FMNL2: variants seen among roughly 807,000 people sequenced by gnomAD.
FMNL2 encodes the protein formin like 2.
FMNL2 carries 51 observed loss-of-function variants against 130.2 expected under a neutral mutation model. That is an observed-to-expected ratio of 0.39 (90% CI 0.31 to 0.49). The LOEUF (loss-of-function observed/expected upper bound fraction) is 0.49. Ranked by LOEUF, FMNL2 falls within the 20% of genes least tolerant of loss-of-function variation. The probability of loss-of-function intolerance (pLI) is 0.85; values close to 1 mark genes in which losing one functional copy is unlikely to be tolerated. For synonymous variants in FMNL2, 465 were observed against 467.1 expected, an observed-to-expected ratio of 1.00 and a Z score of 0.06; for missense variants, 977 against 1,316.2, an observed-to-expected ratio of 0.74 and a Z score of 3.99.
At chr2:152,591,686 G>GT (rs1010100107) in intron 9 of FMNL2, among the ~76,000 whole-genome samples, 58 of 152,266 alleles carry the variant, frequency 3.8e-4, no homozygotes, top group African/African-American at 1.3e-3. Flanking sequence ...CACGCTTGTG[G>GT]TCCCCGGTAC....
chr2:152,353,166 A>G (rs938057558), intron 1 of FMNL2, among the ~76,000 whole-genome samples: 1 of 152,190 alleles, frequency 6.6e-6, no homozygotes, highest in Non-Finnish European at 1.5e-5. Flanking sequence ...TATCATACAT[A>G]TATGTGTTAT....
At chr2:152,559,587 G>A (rs561356243) in intron 5 of FMNL2, among the ~76,000 whole-genome samples, 1 of 152,258 alleles carries the variant, frequency 6.6e-6, no homozygotes, top group African/African-American at 2.4e-5. Flanking sequence ...TTTCAGGTGT[G>A]AGCCACCGCA....
intron 1 of FMNL2, among the ~76,000 whole-genome samples, chr2:152,377,953 A>G (rs1261583950): frequency 6.6e-6 from 1 of 152,008 alleles, no homozygotes; most frequent in Admixed American, 6.6e-5. Context: ...CTCTACTAAG[A>G]ACACAAAAAT....
At position 152,558,730 on chromosome 2, in the gene FMNL2, T is replaced by TC. The variant is rs1553476566; in HGVS notation, c.360-6dup. 0.15 allele frequency: 223,576 copies of TC among 1,515,616 alleles called. 6,485 individuals carry two copies. The highest frequency in any genetic ancestry group is 0.34 in the African/African-American group (24,327 of 71,488). The allele number at this position is 1,515,616 out of a possible 1,614,324, so 93.9% of individuals were successfully genotyped here. ...TTCTCCAATGATTTTTTTTTTTTTTTCCCCAACAGATGGGTCAGAGAATTT... is the reference window on the plus strand; with the variant it reads ...TTCTCCAATGATTTTTTTTTTTTTTTCCCCCAACAGATGGGTCAGAGAATTT... On this transcript the variant is annotated splice_polypyrimidine_tract_variant and intron_variant, in intron 4 of 25. Coordinates refer to ENST00000288670, the MANE Select transcript of FMNL2 (RefSeq NM_052905.4).
intron 22 of FMNL2, among the ~76,000 whole-genome samples, 177 bp downstream of exon 22, chr2:152,636,767 G>T (rs561221791): frequency 1.3e-5 from 2 of 152,062 alleles, no homozygotes; most frequent in Admixed American, 1.3e-4. Flanking sequence ...TCTTGGAAGG[G>T]CCCCGTCCTC....
intron 1 of FMNL2, among the ~76,000 whole-genome samples, chr2:152,432,208 G>A (rs1687531309): frequency 1.3e-5 from 2 of 151,482 alleles, no homozygotes; most frequent in South Asian, 4.2e-4. Flanking sequence ...GTGGTTGGTT[G>A]CATTTCTTTT....
intron 1 of FMNL2, among the ~76,000 whole-genome samples, chr2:152,512,313 C>T (rs1258419121): frequency 6.6e-6 from 1 of 152,160 alleles, no homozygotes; most frequent in Non-Finnish European, 1.5e-5. Flanking sequence ...CCATTATTCT[C>T]TTTGTGTTTA....
intron 1 of FMNL2, among the ~76,000 whole-genome samples, chr2:152,457,248 G>A (rs1689008692): frequency 6.6e-6 from 1 of 152,112 alleles, no homozygotes; most frequent in South Asian, 2.1e-4. Context: ...GTCTACTATG[G>A]TAGGATCTAG....
chr2:152,623,549 T>C (rs1002075256), intron 15 of FMNL2, among the ~76,000 whole-genome samples: 1 of 152,122 alleles, frequency 6.6e-6, no homozygotes, highest in African/African-American at 2.4e-5. Context: ...TCTGGAGGAA[T>C]GAGAGGCACT....
intron 1 of FMNL2, among the ~76,000 whole-genome samples, chr2:152,471,858 A>G (rs1689875839): frequency 6.6e-6 from 1 of 152,190 alleles, no homozygotes; most frequent in African/African-American, 2.4e-5. Flanking sequence ...GTGTAGAAGC[A>G]TAATGAAAGC....
intron 9 of FMNL2, among the ~76,000 whole-genome samples, chr2:152,600,822 T>G (rs1359360474): frequency 6.6e-6 from 1 of 152,118 alleles, no homozygotes; most frequent in African/African-American, 2.4e-5. Context: ...CCACGTTATC[T>G]GTGCAGGGTA....
chr2:152,599,979 A>G (rs1386487817), intron 9 of FMNL2, among the ~76,000 whole-genome samples: 1 of 152,332 alleles, frequency 6.6e-6, no homozygotes, highest in East Asian at 1.9e-4. Context: ...GACAACAATA[A>G]CAGACCATTG....
rs139995468 is a variant in FMNL2, at chr2:152,533,429, C to T, written c.202-9310C>T. Among the ~76,000 whole-genome samples the T allele has an allele frequency of 9.2e-5, 14 of 151,996 alleles. No homozygotes were observed. In the East Asian group the frequency reaches 2.5e-3, roughly 27 times the overall value. ...TCTTTGAAAACCAATTGGCCATAAA[C>T]GTGTGGGTCTATTTTTGTGTTCTCT... On this transcript the variant is annotated intron_variant, in intron 2 of 25. Coordinates refer to ENST00000288670, the MANE Select transcript of FMNL2 (RefSeq NM_052905.4).
chr2:152,548,678 T>C (rs1326865446), intron 3 of FMNL2, among the ~76,000 whole-genome samples: 1 of 152,210 alleles, frequency 6.6e-6, no homozygotes, highest in Non-Finnish European at 1.5e-5. Flanking sequence ...TATGACTGTA[T>C]GCTGAGTCCT....
chr2:152,363,974 G>T (rs963233438), intron 1 of FMNL2, among the ~76,000 whole-genome samples: 1 of 152,090 alleles, frequency 6.6e-6, no homozygotes, highest in African/African-American at 2.4e-5. Flanking sequence ...TGATTTTTTT[G>T]TTGTTGGTGG....
intron 11 of FMNL2, among the ~76,000 whole-genome samples, chr2:152,613,579 T>G (rs1023958283): frequency 2.6e-5 from 4 of 152,220 alleles, no homozygotes; most frequent in Non-Finnish European, 5.9e-5. Context: ...TTCTGAAAAT[T>G]TATGTAGAGT....
intron 1 of FMNL2, among the ~76,000 whole-genome samples, chr2:152,450,700 C>A (rs988024398): frequency 2.0e-5 from 3 of 152,146 alleles, no homozygotes; most frequent in Non-Finnish European, 4.4e-5. Context: ...TAAGTCAGCC[C>A]CATGTGGCAT....
At chr2:152,578,234 T>C (rs1696582078) in intron 7 of FMNL2, among the ~76,000 whole-genome samples, 1 of 152,158 alleles carries the variant, frequency 6.6e-6, no homozygotes, top group Admixed American at 6.5e-5. Context: ...GGAGAAAGAA[T>C]ATAGTTGACC....
chr2:152,374,037 G>A (rs1017282527), intron 1 of FMNL2, among the ~76,000 whole-genome samples: 1 of 152,134 alleles, frequency 6.6e-6, no homozygotes, highest in African/African-American at 2.4e-5. Flanking sequence ...TGGTTGATCT[G>A]TGTAATTCTA....
Sources: allele counts gnomAD v4.1 joint callset (sites outside exome capture counted in the v4.1 genomes callset), GRCh38; gene constraint gnomAD v4.1.1; transcripts MANE v1.5; gene names NCBI Gene and HGNC (gene_info 2026-07-23, HGNC 2026-07-21).